The following CSGALNACT1 variants were observed in gnomAD, a reference collection of about 807,000 sequenced individuals.
The protein encoded by CSGALNACT1 is chondroitin sulfate N-acetylgalactosaminyltransferase 1, also known as beta4GalNAcT-1.
A neutral mutation model predicts 51.0 loss-of-function variants in CSGALNACT1; 52 were observed. That is an observed-to-expected ratio of 1.02 (90% CI 0.82 to 1.29). The LOEUF (loss-of-function observed/expected upper bound fraction) is 1.29. Ranked by LOEUF, CSGALNACT1 falls within the 50% of genes most tolerant of loss-of-function variation. CSGALNACT1 has a pLI of 0.00. For missense variants in CSGALNACT1, 935 were observed against 679.2 expected (o/e 1.38, Z -4.19); for synonymous variants, 341 against 254.4 (o/e 1.34, Z -3.24).
At chr8:19,612,274 C>G (rs2052366250) in intron 1 of CSGALNACT1, among the ~76,000 whole-genome samples, 1 of 151,766 alleles carries the variant, frequency 6.6e-6, no homozygotes, top group Non-Finnish European at 1.5e-5. Flanking sequence ...GCCTGGGAGG[C>G]TGAGGTTGCA....
At chr8:19,600,185 C>T (rs1056541661) in intron 2 of CSGALNACT1, among the ~76,000 whole-genome samples, 5 of 152,100 alleles carry the variant, frequency 3.3e-5, no homozygotes, top group South Asian at 2.1e-4. Context: ...CCTGTTCAAG[C>T]GATTCTTCTG....
chr8:19,629,486 C>T (rs2054917218), intron 1 of CSGALNACT1, among the ~76,000 whole-genome samples: 1 of 152,240 alleles, frequency 6.6e-6, no homozygotes, highest in Non-Finnish European at 1.5e-5. Flanking sequence ...AGAGGCTCAA[C>T]TCCTGCCTAA....
intron 3 of CSGALNACT1, among the ~76,000 whole-genome samples, chr8:19,565,280 C>T (rs1292616262): frequency 1.3e-5 from 2 of 152,122 alleles, no homozygotes; most frequent in Non-Finnish European, 2.9e-5. Context: ...TAATCTGACT[C>T]CCAGATTGAG....
chr8:19,521,924 T>C (rs1399512686), intron 3 of CSGALNACT1, among the ~76,000 whole-genome samples: 1 of 152,212 alleles, frequency 6.6e-6, no homozygotes, highest in Non-Finnish European at 1.5e-5. Context: ...GTGGTAAGAC[T>C]TCATGTGTCC....
At chr8:19,585,588 T>C (rs564304048) in intron 3 of CSGALNACT1, among the ~76,000 whole-genome samples, 1 of 152,302 alleles carries the variant, frequency 6.6e-6, no homozygotes, top group Non-Finnish European at 1.5e-5. Flanking sequence ...TACACCCCTT[T>C]ACTATCTCCC....
At chr8:19,676,046 G>T (rs1456936836) in intron 1 of CSGALNACT1, among the ~76,000 whole-genome samples, 1 of 141,162 alleles carries the variant, frequency 7.1e-6, no homozygotes, top group Non-Finnish European at 1.5e-5. Flanking sequence ...ACTACTTGCA[G>T]CCTGAACCTA....
At chr8:19,473,980 T>C (rs2068799458) in intron 4 of CSGALNACT1, among the ~76,000 whole-genome samples, 1 of 152,260 alleles carries the variant, frequency 6.6e-6, no homozygotes, top group African/African-American at 2.4e-5. Flanking sequence ...TTCTTGGGCC[T>C]ATTAAATTGA....
chr8:19,560,433 C>G (rs1053672508), intron 3 of CSGALNACT1, among the ~76,000 whole-genome samples: 1 of 152,020 alleles, frequency 6.6e-6, no homozygotes, highest in African/African-American at 2.4e-5. Flanking sequence ...TAAGAACCAC[C>G]ATAAAGAGAG....
At chr8:19,662,846 TC>T (rs1053239935) in intron 1 of CSGALNACT1, among the ~76,000 whole-genome samples, 29 of 151,596 alleles carry the variant, frequency 1.9e-4, no homozygotes, top group Admixed American at 1.8e-3. Flanking sequence ...TGTCCTATTC[TC>T]CCCCCATTCA....
rs117087832 is a variant in CSGALNACT1 at position 19,427,850 on chromosome 8, C to A, written c.954-7332G>T. 6.5e-3 allele frequency among the ~76,000 whole-genome samples: 990 copies of A among 152,196 alleles called. 7 individuals carry two copies. The highest frequency in any genetic ancestry group is 0.022 in the South Asian group (107 of 4,808). The stretch of plus-strand genomic sequence containing the variant: ...TAACACCATGCCAAGCCCTCATGCA[C>A]CTTTGCCACAGGGAAGTGTGAGTAA... On this transcript the variant is annotated intron_variant, in intron 6 of 9. Transcript: ENST00000454498.
intron 3 of CSGALNACT1, among the ~76,000 whole-genome samples, chr8:19,520,288 T>C (rs1361442447): frequency 1.3e-5 from 2 of 152,012 alleles, no homozygotes; most frequent in Admixed American, 6.6e-5. Context: ...AACAGAAAAA[T>C]GGAATAAAAA....
intron 1 of CSGALNACT1, among the ~76,000 whole-genome samples, chr8:19,676,084 T>TTAAAAA (rs1554800831): frequency 5.6e-5 from 6 of 106,236 alleles, no homozygotes; most frequent in Non-Finnish European, 1.9e-5. Context: ...TTGTCTGATT[T>TTAAAAA]AAAAAACAAA....
intron 3 of CSGALNACT1, among the ~76,000 whole-genome samples, chr8:19,517,216 T>C (rs910351170): frequency 2.0e-5 from 3 of 152,140 alleles, no homozygotes; most frequent in Admixed American, 1.3e-4. Flanking sequence ...GGTGGGAAGA[T>C]CACCTGAGTT....
intron 4 of CSGALNACT1, among the ~76,000 whole-genome samples, chr8:19,484,578 C>T (rs2072380367): frequency 6.6e-6 from 1 of 152,148 alleles, no homozygotes; most frequent in Non-Finnish European, 1.5e-5. Flanking sequence ...CTGGCATTCT[C>T]ATTTCAGGAG....
At chr8:19,505,595 T>C in exon 4 of CSGALNACT1, 1 of 1,614,096 alleles carries the variant, frequency 6.2e-7, no homozygotes, top group Non-Finnish European at 8.5e-7. Context: ...CCTTGAGCTG[T>C]GCGATCTGCC....
At chr8:19,493,279 C>T (rs2074769944) in intron 4 of CSGALNACT1, among the ~76,000 whole-genome samples, 1 of 152,156 alleles carries the variant, frequency 6.6e-6, no homozygotes, top group South Asian at 2.1e-4. Context: ...ATTAGTCTCC[C>T]AGTTTCCACT....
chr8:19,421,794 G>C, intron 6 of CSGALNACT1, among the ~76,000 whole-genome samples: 1 of 152,166 alleles, frequency 6.6e-6, no homozygotes. Flanking sequence ...TTGGATCTGG[G>C]AGTGAGCTTG....
At chr8:19,707,577 T>A (rs912996583) in intron 1 of CSGALNACT1, among the ~76,000 whole-genome samples, 1 of 152,280 alleles carries the variant, frequency 6.6e-6, no homozygotes, top group South Asian at 2.1e-4. Context: ...CTGACACAAA[T>A]TGAGATTGTC....
chr8:19,715,949 G>A (rs1006948564), intron 1 of CSGALNACT1, among the ~76,000 whole-genome samples: 1 of 152,176 alleles, frequency 6.6e-6, no homozygotes, highest in Non-Finnish European at 1.5e-5. Flanking sequence ...TGTGCACCAT[G>A]TCTCAGAGAA....
Sources: allele counts gnomAD v4.1 joint callset (sites outside exome capture counted in the v4.1 genomes callset), GRCh38; gene constraint gnomAD v4.1.1; transcripts MANE v1.5; gene names NCBI Gene and HGNC (gene_info 2026-07-23, HGNC 2026-07-21).